The following TMEM132D variants were observed in gnomAD, a reference collection of about 807,000 sequenced individuals.
TMEM132D encodes mature OL transmembrane protein.
A neutral mutation model predicts 62.3 loss-of-function variants in TMEM132D; 21 were observed. The ratio of observed to expected loss-of-function variants is 0.34; its 90% CI spans 0.24 to 0.49. The LOEUF (loss-of-function observed/expected upper bound fraction) is 0.49. Ranked by LOEUF, TMEM132D falls within the 20% of genes least tolerant of loss-of-function variation. The probability of loss-of-function intolerance (pLI) is 0.99; values close to 1 mark genes in which losing one functional copy is unlikely to be tolerated. For missense variants in TMEM132D, 1,346 were observed against 1,402.8 expected, an observed-to-expected ratio of 0.96 and a Z score of 0.65; for synonymous variants, 621 against 575.6, an observed-to-expected ratio of 1.08 and a Z score of -1.13.
intron 1 of TMEM132D, among the ~76,000 whole-genome samples, chr12:129,756,056 A>C (rs1406416780): frequency 1.3e-5 from 2 of 152,180 alleles, no homozygotes; most frequent in East Asian, 1.9e-4. Flanking sequence ...GATTCTTTTC[A>C]TAGGAGGTCT....
intron 3 of TMEM132D, among the ~76,000 whole-genome samples, chr12:129,462,080 A>T (rs61943151): frequency 0.19 from 28,498 of 152,140 alleles, 2,602 homozygotes; most frequent in Middle Eastern, 0.23. Flanking sequence ...GTAAGTTCTA[A>T]ATAATAGAAA....
intron 4 of TMEM132D, among the ~76,000 whole-genome samples, chr12:129,325,662 A>T (rs1487122927): frequency 6.6e-6 from 1 of 152,208 alleles, no homozygotes; most frequent in African/African-American, 2.4e-5. Context: ...ACCTTCTGGT[A>T]GTTGCTGACA....
chr12:129,792,876 AAC>A (rs1366370314), intron 1 of TMEM132D, among the ~76,000 whole-genome samples: 6 of 152,284 alleles, frequency 3.9e-5, no homozygotes, highest in Admixed American at 2.0e-4. Context: ...TGGTACGGAA[AAC>A]ACAGAATAAA....
chr12:129,760,161 C>A (rs915104339), intron 1 of TMEM132D, among the ~76,000 whole-genome samples: 2 of 152,020 alleles, frequency 1.3e-5, no homozygotes, highest in Admixed American at 6.6e-5. Context: ...TCTGCCTTGG[C>A]CTCCCAAAGT....
intron 3 of TMEM132D, among the ~76,000 whole-genome samples, chr12:129,459,373 C>T (rs1004810222): frequency 6.6e-6 from 1 of 152,192 alleles, no homozygotes; most frequent in Non-Finnish European, 1.5e-5. Context: ...CTGATCTCTC[C>T]AACGTTTATG....
chr12:129,780,152 C>T (rs917007783), intron 1 of TMEM132D, among the ~76,000 whole-genome samples: 16 of 152,084 alleles, frequency 1.1e-4, no homozygotes, highest in Non-Finnish European at 2.2e-4. Context: ...CATCCAAGCC[C>T]GAGCACCGGT....
At position 129,122,404 on chromosome 12, in the gene TMEM132D, G is replaced by A. The variant is rs142813050; in HGVS notation, c.1444-37702C>T. 3.1e-4 allele frequency among the ~76,000 whole-genome samples: 47 copies of A among 152,300 alleles called. No individual in the cohort carries two copies. The East Asian group carries it at 7.3e-3, about 24-fold the overall frequency. ...AAATGTCTTCAGAGTAACATTCAAC[G>A]CTTACAACCTGGTACTACCATCAGT... On this transcript the variant is annotated intron_variant, in intron 5 of 8. Transcript: ENST00000422113.
chr12:129,675,815 G>A (rs1238871055), intron 2 of TMEM132D, among the ~76,000 whole-genome samples: 1 of 152,142 alleles, frequency 6.6e-6, no homozygotes, highest in African/African-American at 2.4e-5. Flanking sequence ...AGTCCCAGAT[G>A]TCAGTGGTGC....
intron 7 of TMEM132D, among the ~76,000 whole-genome samples, chr12:129,081,408 T>A (rs1278920065): frequency 6.6e-6 from 1 of 152,112 alleles, no homozygotes; most frequent in Non-Finnish European, 1.5e-5. Context: ...GAGCGATCCT[T>A]GCACCTCAGC....
chr12:129,388,807 A>T (rs559013035), intron 3 of TMEM132D, among the ~76,000 whole-genome samples: 12 of 73,674 alleles, frequency 1.6e-4, no homozygotes, highest in South Asian at 3.8e-4. Context: ...ACACCAACAC[A>T]AATCCTAATA....
At chr12:129,198,312 G>A (rs888015116) in intron 5 of TMEM132D, among the ~76,000 whole-genome samples, 6 of 151,944 alleles carry the variant, frequency 3.9e-5, no homozygotes, top group African/African-American at 1.5e-4. Context: ...CCCACTTCTG[G>A]GTATATACCC....
chr12:129,690,394 A>AAG (rs1455056252), intron 2 of TMEM132D, among the ~76,000 whole-genome samples: 2 of 152,178 alleles, frequency 1.3e-5, no homozygotes, highest in African/African-American at 4.8e-5. Flanking sequence ...TACCAATTAA[A>AAG]AGAGAGAGAT....
At chr12:129,161,183 T>C (rs79560567) in intron 5 of TMEM132D, among the ~76,000 whole-genome samples, 13,850 of 152,210 alleles carry the variant, frequency 0.091, 1,556 homozygotes, top group African/African-American at 0.26. Context: ...GAAGGAGGGA[T>C]GTCATTCTGG....
At chr12:129,392,932 A>T (rs1471510671) in intron 3 of TMEM132D, among the ~76,000 whole-genome samples, 1 of 152,246 alleles carries the variant, frequency 6.6e-6, no homozygotes, top group Non-Finnish European at 1.5e-5. Context: ...AATGTCAATT[A>T]TGATAAACTT....
intron 1 of TMEM132D, among the ~76,000 whole-genome samples, chr12:129,703,615 C>T (rs982403076): frequency 1.1e-4 from 16 of 151,972 alleles, no homozygotes; most frequent in African/African-American, 3.9e-4. Flanking sequence ...TAAAAATTAG[C>T]AAAGTGTTAA....
intron 1 of TMEM132D, among the ~76,000 whole-genome samples, chr12:129,713,087 C>T (rs879368036): frequency 1.3e-5 from 2 of 152,126 alleles, no homozygotes; most frequent in Non-Finnish European, 2.9e-5. Context: ...GTTCAAGCCA[C>T]GAGATCTTCG....
intron 2 of TMEM132D, among the ~76,000 whole-genome samples, chr12:129,565,733 C>A (rs1877350308): frequency 6.6e-6 from 1 of 152,188 alleles, no homozygotes; most frequent in Non-Finnish European, 1.5e-5. Flanking sequence ...GCTGGGTCAG[C>A]CCGCTCCTTT....
chr12:129,655,174 C>G (rs1294976665), intron 2 of TMEM132D, among the ~76,000 whole-genome samples: 4 of 151,144 alleles, frequency 2.6e-5, no homozygotes, highest in East Asian at 2.0e-4. Context: ...CTCCCGATCT[C>G]TTGACCTCGT....
intron 5 of TMEM132D, among the ~76,000 whole-genome samples, chr12:129,094,444 C>A (rs1875032693): frequency 6.6e-6 from 1 of 152,232 alleles, no homozygotes. Flanking sequence ...CTCACCATCA[C>A]TGGCCATCAG....
Sources: gnomAD v4.1 joint callset for allele counts (sites outside exome capture counted in the v4.1 genomes callset) on GRCh38, gnomAD v4.1.1 for gene constraint, MANE v1.5 for transcripts, NCBI Gene and HGNC (gene_info 2026-07-23, HGNC 2026-07-21) for gene names.